The following GTF2E2 variants were observed in gnomAD, a reference collection of about 807,000 sequenced individuals.
The protein encoded by GTF2E2 is general transcription factor IIE subunit 2, also known as transcription initiation factor IIE subunit beta.
A neutral mutation model predicts 40.5 loss-of-function variants in GTF2E2; 21 were observed. The ratio of observed to expected loss-of-function variants is 0.52; its 90% CI spans 0.37 to 0.75. The LOEUF (loss-of-function observed/expected upper bound fraction) is 0.75, where lower values mean the gene tolerates loss of function less well. Ranked by LOEUF, GTF2E2 falls within the 30% of genes least tolerant of loss-of-function variation. The probability of loss-of-function intolerance (pLI) is 0.00; values close to 1 mark genes in which losing one functional copy is unlikely to be tolerated. For synonymous variants in GTF2E2, 117 were observed against 121.6 expected (o/e 0.96, Z 0.25); for missense variants, 298 against 338.4 (o/e 0.88, Z 0.94).
chr8:30,624,211 G>C (rs1010490386), intron 3 of GTF2E2, among the ~76,000 whole-genome samples: 2 of 152,132 alleles, frequency 1.3e-5, no homozygotes, highest in African/African-American at 4.8e-5. Flanking sequence ...AAGGGATCCA[G>C]TTTCAGCTTT....
At chr8:30,625,270 C>G (rs62505306) in intron 3 of GTF2E2, among the ~76,000 whole-genome samples, 1 of 151,766 alleles carries the variant, frequency 6.6e-6, no homozygotes, top group Non-Finnish European at 1.5e-5. Flanking sequence ...CTGAGATAAT[C>G]ATGTGGTTTT....
At chr8:30,613,517 A>G (rs894639462) in intron 4 of GTF2E2, among the ~76,000 whole-genome samples, 3 of 152,234 alleles carry the variant, frequency 2.0e-5, no homozygotes, top group Non-Finnish European at 4.4e-5. Context: ...CAGAAAGAAG[A>G]AAAAAGGGAG....
intron 2 of GTF2E2, among the ~76,000 whole-genome samples, chr8:30,639,417 TATA>T (rs1801729494): frequency 6.6e-6 from 1 of 152,178 alleles, no homozygotes; most frequent in African/African-American, 2.4e-5. Flanking sequence ...ACCATTTAAA[TATA>T]ATGTTGAAGT....
At chr8:30,640,550 G>T (rs774987018) in intron 2 of GTF2E2, among the ~76,000 whole-genome samples, 1 of 152,086 alleles carries the variant, frequency 6.6e-6, no homozygotes. Flanking sequence ...TTAAGGCATG[G>T]GTAGGGAAGT....
chr8:30,599,563 A>T (rs1352855746), intron 6 of GTF2E2, among the ~76,000 whole-genome samples: 1 of 136,902 alleles, frequency 7.3e-6, no homozygotes, highest in Non-Finnish European at 1.5e-5. Flanking sequence ...TGGGCAACAG[A>T]GCGAGAGTTT....
chr8:30,657,461 G>A (rs1388312334), intron 1 of GTF2E2: 2 of 152,194 alleles, frequency 1.3e-5, no homozygotes, highest in Non-Finnish European at 2.9e-5. Context: ...ATGAAAAGCA[G>A]GCTGCTTCGC....
At chr8:30,579,628 G>C (rs953403335) in intron 7 of GTF2E2, among the ~76,000 whole-genome samples, 2 of 152,110 alleles carry the variant, frequency 1.3e-5, no homozygotes, top group Admixed American at 6.5e-5. Flanking sequence ...CCACACCCCA[G>C]AAAGACACAG....
At chr8:30,637,413 ACACT>A (rs1462034133) in intron 2 of GTF2E2, 4 of 396,878 alleles carry the variant, frequency 1.0e-5, no homozygotes, top group African/African-American at 6.3e-5. Context: ...AGCTTAGTAA[ACACT>A]CAATAAATAT....
intron 6 of GTF2E2, among the ~76,000 whole-genome samples, chr8:30,602,345 A>G (rs981381545): frequency 1.7e-4 from 26 of 152,188 alleles, no homozygotes; most frequent in Non-Finnish European, 2.9e-5. Flanking sequence ...CATAAAAAAT[A>G]TATTTTAAAG....
At chr8:30,614,581 T>A in intron 4 of GTF2E2, 27 bp downstream of exon 4, 1 of 1,194,878 alleles carries the variant, frequency 8.4e-7, no homozygotes, top group South Asian at 1.3e-5. Flanking sequence ...ACAGGAAATC[T>A]CTCTTGATAA....
intron 1 of GTF2E2, among the ~76,000 whole-genome samples, chr8:30,656,661 T>C (rs1802457037): frequency 6.6e-6 from 1 of 152,010 alleles, no homozygotes; most frequent in Admixed American, 6.5e-5. Context: ...TTAAAAAATG[T>C]GCAGGGTGTC....
rs180928892 is a variant in GTF2E2 at position 30,604,762 on chromosome 8, T to A, written c.643+2295A>T. On this transcript the variant is annotated intron_variant, in intron 6 of 7. Coordinates refer to ENST00000355904, the MANE Select transcript of GTF2E2 (RefSeq NM_002095.6). ...TTTACTCTATGTATTTCTAGATTGT[T>A]AATGTTTTCTAGGGGGGAAAGTGAA... Among the ~76,000 whole-genome samples, 9 of 152,320 alleles carry A rather than the reference T, an allele frequency of 5.9e-5. No individual in the cohort carries two copies. The East Asian group carries it at 1.7e-3, about 29-fold the overall frequency.
chr8:30,653,303 C>T, intron 2 of GTF2E2, 130 bp downstream of exon 2: 2 of 681,542 alleles, frequency 2.9e-6, no homozygotes, highest in South Asian at 1.9e-5. Flanking sequence ...TTCTCTTGTC[C>T]CATCCTTTAT....
intron 6 of GTF2E2, among the ~76,000 whole-genome samples, chr8:30,586,326 T>G (rs938926223): frequency 1.3e-5 from 2 of 152,260 alleles, no homozygotes; most frequent in East Asian, 3.9e-4. Context: ...CCACCCAAGA[T>G]GTCCACAACG....
Position 30,652,498 on chromosome 8 carries a change from G to A in GTF2E2, c.166+935C>T, listed in dbSNP as rs1157644044. ...ACATCATTACTCATTAAGGAAATGC[G>A]TATTAAAGCCACAATGATAGAACTT... On this transcript the variant is annotated intron_variant, in intron 2 of 7. Coordinates refer to ENST00000355904, the MANE Select transcript of GTF2E2 (RefSeq NM_002095.6). Among the ~76,000 whole-genome samples the A allele has an allele frequency of 3.3e-5, 5 of 150,836 alleles. No individual in the cohort carries two copies. In the South Asian group the frequency reaches 6.3e-4, roughly 19 times the overall value.
chr8:30,625,171 A>G (rs1801229387), intron 3 of GTF2E2, among the ~76,000 whole-genome samples: 1 of 152,080 alleles, frequency 6.6e-6, no homozygotes, highest in African/African-American at 2.4e-5. Context: ...TATTATTTTT[A>G]GATACGTCCC....
At chr8:30,599,565 C>A (rs1236743250) in intron 6 of GTF2E2, among the ~76,000 whole-genome samples, 2 of 127,294 alleles carry the variant, frequency 1.6e-5, no homozygotes, top group East Asian at 2.2e-4. Flanking sequence ...GGCAACAGAG[C>A]GAGAGTTTGT....
chr8:30,584,296 A>C (rs1489599490), intron 6 of GTF2E2, among the ~76,000 whole-genome samples: 1 of 151,938 alleles, frequency 6.6e-6, no homozygotes, highest in Admixed American at 6.6e-5. Flanking sequence ...ATTTGGAATC[A>C]ATGATTTCTT....
At chr8:30,616,036 C>T (rs959754231) in intron 3 of GTF2E2, among the ~76,000 whole-genome samples, 2 of 152,032 alleles carry the variant, frequency 1.3e-5, no homozygotes, top group African/African-American at 4.8e-5. Flanking sequence ...CATGGAGAAA[C>T]CTTAAATACA....
Sources: allele counts gnomAD v4.1 joint callset (sites outside exome capture counted in the v4.1 genomes callset), GRCh38; gene constraint gnomAD v4.1.1; transcripts MANE v1.5; gene names NCBI Gene and HGNC (gene_info 2026-07-23, HGNC 2026-07-21).